Variants in POLI observed in about 807,000 individuals in gnomAD.
POLI encodes RAD30 homolog B.
POLI carries 58 observed loss-of-function variants against 51.6 expected under a neutral mutation model. The ratio of observed to expected loss-of-function variants is 1.12; its 90% CI spans 0.91 to 1.40. The LOEUF is 1.40. Ranked by LOEUF, POLI falls within the 40% of genes most tolerant of loss-of-function variation. POLI has a pLI of 0.00. For synonymous variants in POLI, 322 were observed against 299.7 expected (o/e 1.07, Z -0.77); for missense variants, 921 against 871.3 (o/e 1.06, Z -0.72).
At chr18:54,272,106 C>T (rs541304823) in intron 2 of POLI, 1 of 152,304 alleles carries the variant, frequency 6.6e-6, no homozygotes, top group African/African-American at 2.4e-5. Flanking sequence ...AAAGATTCCT[C>T]TTTTAGTGTA....
chr18:54,304,936 G>T (rs1308556118), intron 3 of POLI, among the ~76,000 whole-genome samples: 1 of 152,144 alleles, frequency 6.6e-6, no homozygotes, highest in Non-Finnish European at 1.5e-5. Flanking sequence ...ATTAATTTTT[G>T]TATAAGGTGT....
chr18:54,279,241 CTTTTT>C (rs769828054), intron 4 of POLI, among the ~76,000 whole-genome samples: 4 of 119,112 alleles, frequency 3.4e-5, no homozygotes, highest in Non-Finnish European at 6.9e-5. Context: ...TATGTCTTTT[CTTTTT>C]TTTTTTTTTT....
chr18:54,300,175 C>CT (rs973150344), downstream of POLI, among the ~76,000 whole-genome samples: 12 of 151,902 alleles, frequency 7.9e-5, no homozygotes, highest in South Asian at 1.0e-3. Flanking sequence ...TATTTAAAAG[C>CT]TTTTTTTGTT....
rs1426174423 is a variant in POLI, at chr18:54,316,177, A to T, written c.334-4096A>T. ...TGATCTTCCTGCCTTGGCTTCCCAG[A>T]AAGTTGGGATTATAGGTGTGAGCCA... On this transcript the variant is annotated intron_variant, in intron 3 of 4. Coordinates refer to the POLI transcript ENST00000579823. Among the ~76,000 whole-genome samples the T allele has an allele frequency of 2.6e-5, 4 of 152,190 alleles. No homozygotes were observed. In the East Asian group the frequency reaches 7.7e-4, roughly 29 times the overall value.
chr18:54,302,394 G>C (rs531682052), downstream of POLI, among the ~76,000 whole-genome samples: 12 of 152,198 alleles, frequency 7.9e-5, no homozygotes, highest in South Asian at 2.5e-3. Context: ...AGTAAAAAAA[G>C]AGTTTTACTC....
downstream of POLI, among the ~76,000 whole-genome samples, chr18:54,298,455 C>T (rs1174442076): frequency 6.6e-6 from 1 of 152,094 alleles, no homozygotes; most frequent in African/African-American, 2.4e-5. Flanking sequence ...CTGTGGGTCA[C>T]ATCATTAGCA....
intron 3 of POLI, among the ~76,000 whole-genome samples, chr18:54,306,379 A>G (rs2088585894): frequency 6.6e-6 from 1 of 152,138 alleles, no homozygotes; most frequent in South Asian, 2.1e-4. Flanking sequence ...GATTATGTTT[A>G]TTGATTTACG....
At chr18:54,290,202 T>G (rs1469734637) in intron 8 of POLI, among the ~76,000 whole-genome samples, 1 of 152,228 alleles carries the variant, frequency 6.6e-6, no homozygotes, top group East Asian at 1.9e-4. Context: ...AGAAGACATT[T>G]ATGCTGCCAA....
At position 54,294,312 on chromosome 18, in the gene POLI, A is replaced by G. The variant is rs1300268767; in HGVS notation, c.2068A>G (p.Thr690Ala). ...AGCAACAGACTCTCATGAAGGACTT[A>G]CAGAAAATAGAGAGCCAGATTCTGT... The part of the protein sequence containing the change: ...TVATDSHEGL[T>A]ENREPDSVDE... Residue 690 changes from threonine to alanine, a missense_variant, in exon 10 of 10, where the codon ACA becomes GCA. By Grantham distance (58) the Thr-to-Ala change is moderately conservative. Transcript: ENST00000579534. 1.2e-6 allele frequency: 2 copies of G among 1,613,588 alleles called. No individual in the cohort carries two copies. The highest frequency in any genetic ancestry group is 1.7e-6 in the Non-Finnish European group (2 of 1,179,584).
intron 3 of POLI, among the ~76,000 whole-genome samples, chr18:54,318,932 G>A (rs1258476238): frequency 2.6e-5 from 4 of 152,156 alleles, no homozygotes; most frequent in Non-Finnish European, 2.9e-5. Flanking sequence ...CTTTCCAGAT[G>A]CCTTTGCAGC....
chr18:54,272,219 A>T (rs2087035545), intron 2 of POLI: 1 of 152,226 alleles, frequency 6.6e-6, no homozygotes, highest in Non-Finnish European at 1.5e-5. Context: ...GAACAAAGGG[A>T]TGACTAGTTT....
intron 3 of POLI, among the ~76,000 whole-genome samples, chr18:54,313,764 T>C (rs1021150223): frequency 2.6e-5 from 4 of 152,166 alleles, no homozygotes; most frequent in African/African-American, 9.7e-5. Context: ...TTTGATGTTG[T>C]TGGTATGTAG....
intron 3 of POLI, among the ~76,000 whole-genome samples, chr18:54,312,121 T>C (rs904514276): frequency 8.6e-5 from 13 of 151,768 alleles, no homozygotes; most frequent in African/African-American, 3.1e-4. Flanking sequence ...TCCCTTATAT[T>C]CCCCCCCAGC....
At chr18:54,311,679 C>T (rs956304080) in intron 3 of POLI, among the ~76,000 whole-genome samples, 2 of 152,130 alleles carry the variant, frequency 1.3e-5, no homozygotes, top group Non-Finnish European at 2.9e-5. Context: ...GTGAAAAAAA[C>T]TTGGGAGGTA....
rs143735317 is a variant in POLI at position 54,319,222 on chromosome 18, T to G, written c.334-1051T>G. 4.1e-4 allele frequency among the ~76,000 whole-genome samples: 62 copies of G among 152,266 alleles called. 1 individual carries two copies. The highest frequency in any genetic ancestry group is 1.7e-3 in the South Asian group (8 of 4,822). On this transcript the variant is annotated intron_variant, in intron 3 of 4. Transcript: ENST00000579823. ...AGACTCCCAGACTTCTTGTGTGAGA[T>G]CAATAAACCTCTCAACATTTATGTC...
At chr18:54,311,216 T>C in intron 3 of POLI, 2 of 400,890 alleles carry the variant, frequency 5.0e-6, no homozygotes, top group Non-Finnish European at 6.8e-6. Flanking sequence ...GAGAAGCTGC[T>C]GTTGCCTCTG....
At chr18:54,318,354 C>A (rs2088759208) in intron 3 of POLI, among the ~76,000 whole-genome samples, 1 of 152,070 alleles carries the variant, frequency 6.6e-6, no homozygotes. Flanking sequence ...TAAACATGAA[C>A]CACTGTCATT....
At chr18:54,292,163 A>C in intron 9 of POLI, 125 bp downstream of exon 9, 1 of 617,106 alleles carries the variant, frequency 1.6e-6, no homozygotes, top group Non-Finnish European at 2.8e-6. Context: ...GATATTGTTT[A>C]GGTGATTAAC....
chr18:54,304,393 C>A (rs899588352), intron 3 of POLI, among the ~76,000 whole-genome samples: 7 of 152,286 alleles, frequency 4.6e-5, no homozygotes, highest in African/African-American at 1.4e-4. Context: ...TAAAAGCGTT[C>A]CTATTTCTCC....
Sources: gnomAD v4.1 joint callset for allele counts (sites outside exome capture counted in the v4.1 genomes callset) on GRCh38, gnomAD v4.1.1 for gene constraint, MANE v1.5 for transcripts, NCBI Gene and HGNC (gene_info 2026-07-23, HGNC 2026-07-21) for gene names.